The following ADGRL3 variants were observed in gnomAD, a reference collection of about 807,000 sequenced individuals.
ADGRL3 encodes the protein adhesion G protein-coupled receptor L3, also known as calcium-independent alpha-latrotoxin receptor 3.
ADGRL3 carries 62 observed loss-of-function variants against 153.5 expected under a neutral mutation model. The ratio of observed to expected loss-of-function variants is 0.40; its 90% CI spans 0.33 to 0.50. ADGRL3 has a LOEUF of 0.50. Among genes scored for constraint, ADGRL3 ranks in the 20% least tolerant of loss-of-function variants. The pLI, the probability that ADGRL3 is intolerant of heterozygous loss-of-function variation, is 0.47. For missense variants in ADGRL3, 1,641 were observed against 1,859.4 expected (o/e 0.88, Z 2.16); for synonymous variants, 710 against 672.5 (o/e 1.06, Z -0.86).
intron 1 of ADGRL3, among the ~76,000 whole-genome samples, chr4:61,241,962 A>G (rs1220119187): frequency 6.6e-6 from 1 of 152,020 alleles, no homozygotes; most frequent in Non-Finnish European, 1.5e-5. Flanking sequence ...ACAAATCCAA[A>G]TAATTAGTAT....
intron 9 of ADGRL3, 130 bp downstream of exon 9, chr4:61,814,019 A>G: frequency 8.7e-7 from 1 of 1,149,006 alleles, no homozygotes; most frequent in Non-Finnish European, 1.2e-6. Context: ...GTATGTGAGT[A>G]ATCTGGAGAT....
chr4:61,386,885 T>C (rs1311930932), intron 2 of ADGRL3, among the ~76,000 whole-genome samples: 1 of 152,204 alleles, frequency 6.6e-6, no homozygotes, highest in Non-Finnish European at 1.5e-5. Context: ...GGCTGGTTTA[T>C]TGATATCTAT....
At chr4:61,854,628 G>A (rs1411692657) in intron 9 of ADGRL3, among the ~76,000 whole-genome samples, 1 of 152,188 alleles carries the variant, frequency 6.6e-6, no homozygotes, top group Non-Finnish European at 1.5e-5. Flanking sequence ...AGTAATTGGT[G>A]CAGATACTTC....
At chr4:61,354,597 T>TGC (rs762004972) in intron 1 of ADGRL3, among the ~76,000 whole-genome samples, 2,962 of 151,794 alleles carry the variant, frequency 0.02, 86 homozygotes, top group African/African-American at 0.067. Context: ...TGTGTGTGTG[T>TGC]GTGCGCTTTA....
At chr4:61,212,194 A>G (rs915528122) in intron 1 of ADGRL3, 4 of 152,256 alleles carry the variant, frequency 2.6e-5, no homozygotes, top group African/African-American at 9.6e-5. Flanking sequence ...AACTTATGGC[A>G]TAGGAACAAA....
intron 6 of ADGRL3, among the ~76,000 whole-genome samples, chr4:61,683,062 A>T (rs982650460): frequency 6.6e-6 from 1 of 151,644 alleles, no homozygotes; most frequent in African/African-American, 2.4e-5. Flanking sequence ...GGTGGTGGGG[A>T]TAGAGGTCTT....
intron 5 of ADGRL3, among the ~76,000 whole-genome samples, chr4:61,662,368 C>T (rs2150594756): frequency 6.6e-6 from 1 of 152,344 alleles, no homozygotes; most frequent in South Asian, 2.1e-4. Context: ...TGTGTGTTCC[C>T]ACCACCCTGG....
rs193155556 is a variant in ADGRL3, at chr4:61,993,350, C to T, written c.3237-2941C>T. Among the ~76,000 whole-genome samples, 28 of 127,230 alleles carry T rather than the reference C, an allele frequency of 2.2e-4. No homozygotes were observed. In the East Asian group the frequency reaches 6.8e-3, roughly 31 times the overall value. The allele number at this position is 127,230 out of a possible 152,430, so 83.5% of individuals were successfully genotyped here. A position where few individuals can be genotyped will look rare whatever the true frequency, so the allele number is the denominator to read the frequency against. On this transcript the variant is annotated intron_variant, in intron 19 of 26. Coordinates refer to ENST00000683033, the MANE Select transcript of ADGRL3 (RefSeq NM_001387552.1). ...TTCTGTCACCCTGGCTGGGGTGTAA[C>T]GGCATGATCTTGGCTCACTGCAACC...
chr4:61,455,406 C>T (rs2097722997), intron 2 of ADGRL3, among the ~76,000 whole-genome samples: 2 of 152,064 alleles, frequency 1.3e-5, no homozygotes, highest in South Asian at 4.1e-4. Context: ...ATATGATGAG[C>T]ACTTAGCCAT....
intron 9 of ADGRL3, among the ~76,000 whole-genome samples, chr4:61,891,008 CT>C (rs1451905723): frequency 6.6e-6 from 1 of 151,994 alleles, no homozygotes; most frequent in Non-Finnish European, 1.5e-5. Context: ...TTCAATTGCA[CT>C]TAATATTTTG....
intron 8 of ADGRL3, among the ~76,000 whole-genome samples, chr4:61,734,635 G>T (rs767384138): frequency 1.8e-4 from 27 of 152,130 alleles, no homozygotes; most frequent in Non-Finnish European, 3.4e-4. Flanking sequence ...CTCCACATGT[G>T]GGGATATGGT....
intron 6 of ADGRL3, among the ~76,000 whole-genome samples, chr4:61,718,136 G>GT (rs559597575): frequency 1.3e-5 from 2 of 152,038 alleles, no homozygotes; most frequent in Non-Finnish European, 2.9e-5. Flanking sequence ...TTTTGGTGGG[G>GT]TTTTTTGTAA....
intron 1 of ADGRL3, among the ~76,000 whole-genome samples, chr4:61,291,230 A>ACACC (rs1223574675): frequency 6.7e-6 from 1 of 148,598 alleles, no homozygotes; most frequent in East Asian, 2.0e-4. Flanking sequence ...ACACACACAC[A>ACACC]CCCCTCTGTG....
At chr4:61,247,146 C>T (rs967944756) in intron 1 of ADGRL3, among the ~76,000 whole-genome samples, 1 of 150,552 alleles carries the variant, frequency 6.6e-6, no homozygotes, top group East Asian at 1.9e-4. Flanking sequence ...AAAGCAGTCA[C>T]TTTTTTTTTA....
At chr4:61,416,229 G>C (rs369649119) in intron 2 of ADGRL3, among the ~76,000 whole-genome samples, 3 of 151,912 alleles carry the variant, frequency 2.0e-5, no homozygotes, top group South Asian at 4.2e-4. Flanking sequence ...AAATATGTCT[G>C]TCTCAATTTT....
At chr4:61,851,589 CAAAAA>C (rs759990537) in intron 9 of ADGRL3, among the ~76,000 whole-genome samples, 3 of 55,224 alleles carry the variant, frequency 5.4e-5, no homozygotes, top group African/African-American at 1.1e-4. Flanking sequence ...GACCATGTCT[CAAAAA>C]AAAAAAAAAA....
chr4:61,216,420 T>C (rs923038655), intron 1 of ADGRL3, among the ~76,000 whole-genome samples: 1 of 152,164 alleles, frequency 6.6e-6, no homozygotes, highest in Non-Finnish European at 1.5e-5. Flanking sequence ...TTTAGGCCCA[T>C]AGCAGTGTTA....
At chr4:61,907,117 G>A (rs2098699449) in intron 11 of ADGRL3, among the ~76,000 whole-genome samples, 1 of 152,120 alleles carries the variant, frequency 6.6e-6, no homozygotes, top group South Asian at 2.1e-4. Context: ...TTTGGATCTT[G>A]CCCAAGAAAG....
intron 8 of ADGRL3, among the ~76,000 whole-genome samples, chr4:61,762,127 G>T (rs2096920081): frequency 6.6e-6 from 1 of 152,072 alleles, no homozygotes; most frequent in Non-Finnish European, 1.5e-5. Context: ...ACTTAAAGTG[G>T]TCATGGTTAA....
Sources: allele counts gnomAD v4.1 joint callset (sites outside exome capture counted in the v4.1 genomes callset), GRCh38; gene constraint gnomAD v4.1.1; transcripts MANE v1.5; gene names NCBI Gene and HGNC (gene_info 2026-07-23, HGNC 2026-07-21).